GXYLT2: variants seen among roughly 807,000 people sequenced by gnomAD.
The protein encoded by GXYLT2 is glucoside xylosyltransferase 2, also known as glycosyltransferase 8 domain containing 4.
A neutral mutation model predicts 45.8 loss-of-function variants in GXYLT2; 53 were observed. The ratio of observed to expected loss-of-function variants is 1.16; its 90% CI spans 0.93 to 1.46. The LOEUF is 1.46. Ranked by LOEUF, GXYLT2 falls within the 40% of genes most tolerant of loss-of-function variation. The pLI is 0.00. For missense variants in GXYLT2, 551 were observed against 544.4 expected, an observed-to-expected ratio of 1.01 and a Z score of -0.12; for synonymous variants, 219 against 214.2, an observed-to-expected ratio of 1.02 and a Z score of -0.19.
At chr3:72,929,845 G>A (rs1251162411) in intron 3 of GXYLT2, among the ~76,000 whole-genome samples, 1 of 152,194 alleles carries the variant, frequency 6.6e-6, no homozygotes, top group Non-Finnish European at 1.5e-5. Context: ...AGCATTGAAT[G>A]TGAATGGATT....
At chr3:72,946,230 T>C (rs1048088190) in intron 3 of GXYLT2, among the ~76,000 whole-genome samples, 1 of 136,040 alleles carries the variant, frequency 7.4e-6, no homozygotes, top group Non-Finnish European at 1.5e-5. Flanking sequence ...TGAGCCACGA[T>C]TGTGACACTG....
At chr3:72,968,525 G>C (rs1710916907) in intron 6 of GXYLT2, among the ~76,000 whole-genome samples, 1 of 152,220 alleles carries the variant, frequency 6.6e-6, no homozygotes, top group African/African-American at 2.4e-5. Flanking sequence ...AGCAGAAAGA[G>C]GCCCTGACTC....
At chr3:72,912,280 G>T (rs982402425) in intron 2 of GXYLT2, among the ~76,000 whole-genome samples, 1 of 151,994 alleles carries the variant, frequency 6.6e-6, no homozygotes, top group Non-Finnish European at 1.5e-5. Context: ...AAAGTGCTGG[G>T]ATTACAGGCA....
intron 6 of GXYLT2, 91 bp from the exon 7 acceptor site, chr3:72,974,886 C>G (rs557393126): frequency 3.4e-5 from 33 of 971,924 alleles, no homozygotes; most frequent in Admixed American, 2.4e-5. Flanking sequence ...GTGGGCTTAT[C>G]GTAATTCCTG....
chr3:72,904,644 TA>T (rs553494288), intron 1 of GXYLT2, among the ~76,000 whole-genome samples: 4,212 of 137,002 alleles, frequency 0.031, 84 homozygotes, highest in African/African-American at 0.056. Context: ...TTTTTTTAAT[TA>T]AAAAAAAAAA....
At chr3:72,957,699 C>T (rs1264491700) in intron 5 of GXYLT2, among the ~76,000 whole-genome samples, 1 of 152,096 alleles carries the variant, frequency 6.6e-6, no homozygotes, top group African/African-American at 2.4e-5. Flanking sequence ...GACCCTGTAG[C>T]CTGAACAATT....
chr3:72,912,013 A>ATATTTTTT (rs1156864738), intron 2 of GXYLT2, among the ~76,000 whole-genome samples: 4 of 114,920 alleles, frequency 3.5e-5, no homozygotes, highest in African/African-American at 1.2e-4. Flanking sequence ...ATATATATAT[A>ATATTTTTT]TTTTTTTTTT....
At chr3:72,904,067 C>T (rs1312100245) in intron 1 of GXYLT2, among the ~76,000 whole-genome samples, 1 of 152,230 alleles carries the variant, frequency 6.6e-6, no homozygotes, top group Admixed American at 6.5e-5. Context: ...CCATCAGCCC[C>T]TGCCTTAGCA....
chr3:72,915,103 A>G (rs1013797979), intron 2 of GXYLT2, among the ~76,000 whole-genome samples: 4 of 152,040 alleles, frequency 2.6e-5, no homozygotes, highest in African/African-American at 9.7e-5. Context: ...ATGAGCCAAG[A>G]TGGCACCACT....
chr3:72,945,042 A>C (rs527421792), intron 3 of GXYLT2, among the ~76,000 whole-genome samples: 3 of 151,664 alleles, frequency 2.0e-5, no homozygotes, highest in Non-Finnish European at 2.9e-5. Context: ...CTCTTCTACA[A>C]TCAGCCTCAA....
At position 72,957,301 on chromosome 3, in the gene GXYLT2, A is replaced by G. The variant is rs775867982; in HGVS notation, c.925A>G (p.Ile309Val). ...YPLYQKYKNA[I>V]TWGDQDLLNI... ...TCTGTACCAGAAGTACAAGAATGCCATCACGTGGGGAGACCAGGATTTATT... is the reference window on the plus strand; with the variant it reads ...TCTGTACCAGAAGTACAAGAATGCCGTCACGTGGGGAGACCAGGATTTATT... Residue 309 changes from isoleucine to valine, a missense_variant, in exon 5 of 7, where the codon ATC (isoleucine) becomes GTC (valine). Physicochemically the swap from Ile to Val is conservative, Grantham distance 29. Transcript: ENST00000389617. 6.8e-6 allele frequency: 11 copies of G among 1,613,366 alleles called. No homozygotes were observed. Among genetic ancestry groups the G allele is most frequent in the South Asian group, 1.1e-5 (1 of 91,064 alleles).
intron 2 of GXYLT2, among the ~76,000 whole-genome samples, chr3:72,912,860 T>C (rs1256129128): frequency 6.6e-6 from 1 of 152,192 alleles, no homozygotes; most frequent in African/African-American, 2.4e-5. Flanking sequence ...AATGATTGTT[T>C]TATACCACTA....
chr3:72,928,294 T>G (rs1709956143), intron 3 of GXYLT2, among the ~76,000 whole-genome samples: 1 of 152,234 alleles, frequency 6.6e-6, no homozygotes, highest in Non-Finnish European at 1.5e-5. Flanking sequence ...GAACATTTAT[T>G]CAAGAAAATC....
intron 3 of GXYLT2, among the ~76,000 whole-genome samples, chr3:72,928,751 G>A (rs535810789): frequency 6.6e-6 from 1 of 151,310 alleles, no homozygotes; most frequent in African/African-American, 2.4e-5. Context: ...ATCAGACTGT[G>A]GGGGCAATTT....
At chr3:72,967,479 T>C in intron 5 of GXYLT2, 68 bp from the exon 6 acceptor site, 1 of 1,187,564 alleles carries the variant, frequency 8.4e-7, no homozygotes, top group South Asian at 1.4e-5. Flanking sequence ...AACAGTTTAA[T>C]CGTGCCACAT....
At chr3:72,927,262 T>C (rs1478503857) in intron 3 of GXYLT2, 1 of 152,194 alleles carries the variant, frequency 6.6e-6, no homozygotes, top group Admixed American at 6.5e-5. Flanking sequence ...CTTTAACCTG[T>C]AAATGTATTC....
At chr3:72,949,498 TTTTC>T in intron 3 of GXYLT2, among the ~76,000 whole-genome samples, 1 of 135,772 alleles carries the variant, frequency 7.4e-6, no homozygotes, top group Admixed American at 8.9e-5. Context: ...CTTTCTTTCT[TTTTC>T]TTTTTTTTTT....
At position 72,909,062 on chromosome 3, in the gene GXYLT2, C is replaced by CTTTTTTTT. The variant is rs71126804; in HGVS notation, c.468+520_468+527dup. ...CTTTTCTTTCTTTCTTTCTTCCTTT[C>CTTTTTTTT]TTTTTTTTTTTTTTTTTTTTTTTTG... On this transcript the variant is annotated intron_variant, in intron 2 of 6. Coordinates refer to ENST00000389617, the MANE Select transcript of GXYLT2 (RefSeq NM_001080393.2). Among the ~76,000 whole-genome samples the CTTTTTTTT allele has an allele frequency of 1.3e-3, 123 of 91,118 alleles. 4 individuals are homozygous for CTTTTTTTT. Among genetic ancestry groups the CTTTTTTTT allele is most frequent in the African/African-American group, 4.1e-3 (96 of 23,258 alleles). 59.8% of individuals were successfully genotyped at this position (91,118 alleles called of 152,430 possible).
intron 5 of GXYLT2, among the ~76,000 whole-genome samples, chr3:72,964,210 A>G (rs1376733478): frequency 6.6e-6 from 1 of 152,122 alleles, no homozygotes; most frequent in East Asian, 1.9e-4. Flanking sequence ...ACACCTCTGC[A>G]CTTCTGATTC....
Sources: gnomAD v4.1 joint callset for allele counts (sites outside exome capture counted in the v4.1 genomes callset) on GRCh38, gnomAD v4.1.1 for gene constraint, MANE v1.5 for transcripts, NCBI Gene and HGNC (gene_info 2026-07-23, HGNC 2026-07-21) for gene names.